UBE2R2: variants seen among roughly 807,000 people sequenced by gnomAD.
UBE2R2 encodes ubiquitin-conjugating enzyme E2 R2.
UBE2R2 carries 1 observed loss-of-function variant against 27.8 expected under a neutral mutation model. The observed-to-expected ratio is 0.04, with a 90% confidence interval of 0.01 to 0.17. The LOEUF (loss-of-function observed/expected upper bound fraction) is 0.17. Ranked by LOEUF, UBE2R2 falls within the 10% of genes least tolerant of loss-of-function variation. The pLI is 1.00. For synonymous variants in UBE2R2, 106 were observed against 113.3 expected (o/e 0.94, Z 0.41); for missense variants, 100 against 291.0 (o/e 0.34, Z 4.78).
chr9:33,873,377 AACTATT>A (rs1193343490), intron 1 of UBE2R2, among the ~76,000 whole-genome samples: 2 of 152,112 alleles, frequency 1.3e-5, no homozygotes, highest in Non-Finnish European at 1.5e-5. Context: ...AGATATAATG[AACTATT>A]ACTAAGTTAT....
At chr9:33,911,584 G>T (rs1822492195) in intron 3 of UBE2R2, among the ~76,000 whole-genome samples, 1 of 151,954 alleles carries the variant, frequency 6.6e-6, no homozygotes, top group African/African-American at 2.4e-5. Flanking sequence ...TCTGCTTTCT[G>T]TAGGTTGGAA....
chr9:33,870,365 A>C (rs545063011), intron 1 of UBE2R2, among the ~76,000 whole-genome samples: 14 of 152,114 alleles, frequency 9.2e-5, no homozygotes, highest in African/African-American at 3.4e-4. Flanking sequence ...CTGGTCTCGA[A>C]CTCCTGACCT....
chr9:33,874,176 G>A (rs1005873877), intron 1 of UBE2R2, among the ~76,000 whole-genome samples: 4 of 151,970 alleles, frequency 2.6e-5, no homozygotes, highest in South Asian at 2.1e-4. Context: ...TTGAACTCCT[G>A]ACTTCAAGTG....
chr9:33,866,166 TC>T (rs1351696852), intron 1 of UBE2R2, among the ~76,000 whole-genome samples: 2 of 152,002 alleles, frequency 1.3e-5, no homozygotes, highest in Admixed American at 1.3e-4. Context: ...TATCAGTAAT[TC>T]ATCCCTGAAC....
chr9:33,828,179 A>G (rs1025351626), intron 1 of UBE2R2, among the ~76,000 whole-genome samples: 31 of 150,100 alleles, frequency 2.1e-4, no homozygotes, highest in South Asian at 8.5e-4. Flanking sequence ...GCACGCGCCT[A>G]TAATCCCAGC....
chr9:33,905,768 A>G (rs866062298), intron 3 of UBE2R2, among the ~76,000 whole-genome samples: 8 of 152,182 alleles, frequency 5.3e-5, no homozygotes, highest in African/African-American at 9.7e-5. Flanking sequence ...GAAACATGCA[A>G]TGAGGACTGA....
At chr9:33,829,742 G>T (rs1820402684) in intron 1 of UBE2R2, among the ~76,000 whole-genome samples, 2 of 149,914 alleles carry the variant, frequency 1.3e-5, no homozygotes, top group Non-Finnish European at 3.0e-5. Context: ...TTTGAGTCTA[G>T]TGAGTGCTAT....
chr9:33,834,935 GA>G (rs1465780176), intron 1 of UBE2R2, among the ~76,000 whole-genome samples: 1 of 150,806 alleles, frequency 6.6e-6, no homozygotes, highest in African/African-American at 2.4e-5. Context: ...CAAAAGAAAA[GA>G]AAAGAAAAGA....
intron 1 of UBE2R2, among the ~76,000 whole-genome samples, chr9:33,853,527 C>T (rs10814051): frequency 0.22 from 32,680 of 151,854 alleles, 4,180 homozygotes; most frequent in East Asian, 0.6. Context: ...TCAGGTGATC[C>T]GCCCGCCTTG....
intron 1 of UBE2R2, among the ~76,000 whole-genome samples, chr9:33,832,484 G>A (rs1229733690): frequency 6.6e-6 from 1 of 151,746 alleles, no homozygotes; most frequent in Non-Finnish European, 1.5e-5. Context: ...GTGAAACCCC[G>A]TCTGTACTAA....
rs1321135760 is a variant in UBE2R2, at chr9:33,817,414, C to G, written c.-344C>G. Among the ~76,000 whole-genome samples the G allele has an allele frequency of 6.7e-6, 1 of 150,002 alleles. No individual in the cohort carries two copies. Among genetic ancestry groups the G allele is most frequent in the Non-Finnish European group, 1.5e-5 (1 of 67,036 alleles). ...CCATCGCCGGCCCTCCGCCGCCTTCCTCCGCTTCCACCTCCTCTCCCCCCC... is the reference window on the plus strand; with the variant it reads ...CCATCGCCGGCCCTCCGCCGCCTTCGTCCGCTTCCACCTCCTCTCCCCCCC... On this transcript the variant is annotated 5_prime_UTR_variant, in exon 1 of 5. Coordinates refer to ENST00000263228, the MANE Select transcript of UBE2R2 (RefSeq NM_017811.4).
intron 2 of UBE2R2, among the ~76,000 whole-genome samples, chr9:33,895,962 G>A (rs941609853): frequency 6.6e-6 from 1 of 151,494 alleles, no homozygotes; most frequent in Non-Finnish European, 1.5e-5. Context: ...TTGTAGAGAC[G>A]GGGTTTCACC....
intron 2 of UBE2R2, among the ~76,000 whole-genome samples, chr9:33,892,469 AT>A (rs1157453927): frequency 6.6e-6 from 1 of 152,126 alleles, no homozygotes; most frequent in Non-Finnish European, 1.5e-5. Context: ...AAAATTGCTG[AT>A]TATTTTATTA....
At position 33,880,416 on chromosome 9, in the gene UBE2R2, G is replaced by A. The variant is rs1821708971; in HGVS notation, c.178-6465G>A. 2.6e-5 allele frequency among the ~76,000 whole-genome samples: 4 copies of A among 151,928 alleles called. No homozygotes were observed. In the South Asian group the frequency reaches 8.3e-4, roughly 31 times the overall value. On this transcript the variant is annotated intron_variant, in intron 1 of 4. Coordinates refer to ENST00000263228, the MANE Select transcript of UBE2R2 (RefSeq NM_017811.4). ...ACAGTTACGTAATTTCCAAATGTTT[G>A]GGGATTTACTAAATATCTTTGAATT...
intron 2 of UBE2R2, among the ~76,000 whole-genome samples, chr9:33,898,891 A>G (rs1173116497): frequency 6.6e-6 from 1 of 152,230 alleles, no homozygotes; most frequent in Admixed American, 6.5e-5. Flanking sequence ...TGTATTGCAC[A>G]TGGTGGGCAA....
intron 4 of UBE2R2, among the ~76,000 whole-genome samples, chr9:33,912,977 T>C (rs1301717113): frequency 6.6e-6 from 1 of 152,140 alleles, no homozygotes; most frequent in Non-Finnish European, 1.5e-5. Flanking sequence ...TTTTTTCTTT[T>C]TGAGATGGAG....
At chr9:33,831,407 T>C (rs975989688) in intron 1 of UBE2R2, among the ~76,000 whole-genome samples, 2 of 152,150 alleles carry the variant, frequency 1.3e-5, no homozygotes, top group African/African-American at 4.8e-5. Context: ...TTCCTTCTTA[T>C]GACTTAATAC....
intron 2 of UBE2R2, among the ~76,000 whole-genome samples, chr9:33,897,024 ATTTTT>A (rs749987839): frequency 3.0e-4 from 12 of 40,630 alleles, no homozygotes; most frequent in African/African-American, 1.1e-3. Context: ...CTGTGGCCTA[ATTTTT>A]TTTTTTTTTT....
At chr9:33,882,780 A>G (rs529244241) in intron 1 of UBE2R2, among the ~76,000 whole-genome samples, 2 of 152,290 alleles carry the variant, frequency 1.3e-5, no homozygotes, top group South Asian at 4.1e-4. Context: ...TTTAGAATAC[A>G]TTTTGTCATC....
Sources: allele counts gnomAD v4.1 joint callset (sites outside exome capture counted in the v4.1 genomes callset), GRCh38; gene constraint gnomAD v4.1.1; transcripts MANE v1.5; gene names NCBI Gene and HGNC (gene_info 2026-07-23, HGNC 2026-07-21).